The following LRRC37A2 variants were observed in gnomAD, a reference collection of about 807,000 sequenced individuals.
LRRC37A2 encodes leucine-rich repeat-containing protein 37A2.
In LRRC37A2, 9 loss-of-function variants were observed where a neutral mutation model predicts 68.8. The ratio of observed to expected loss-of-function variants is 0.13; its 90% CI spans 0.08 to 0.23. The LOEUF (loss-of-function observed/expected upper bound fraction) is 0.23. LRRC37A2 is among the 10% of genes least tolerant of loss of function. The pLI is 1.00. For missense variants in LRRC37A2, 168 were observed against 950.4 expected (o/e 0.18, Z 10.82); for synonymous variants, 63 against 367.6 (o/e 0.17, Z 9.48).
the LRRC37A2 span, among the ~76,000 whole-genome samples, chr17:46,780,390 C>T: frequency 0.019 from 2,882 of 152,336 alleles, 43 homozygotes; most frequent in Middle Eastern, 0.051. Flanking sequence ...CTCTCCCCTA[C>T]ATACAGAACA....
At chr17:46,797,353 G>A in the LRRC37A2 span, among the ~76,000 whole-genome samples, 1 of 152,198 alleles carries the variant, frequency 6.6e-6, no homozygotes, top group African/African-American at 2.4e-5. Context: ...GAAGACGGCA[G>A]CTCCAGGCTG....
At chr17:46,728,892 A>G in the LRRC37A2 span, 9 of 1,608,968 alleles carry the variant, frequency 5.6e-6, no homozygotes, top group East Asian at 2.0e-4. Flanking sequence ...CAAATCTTGT[A>G]TTACAGGCTC....
chr17:46,869,448 G>C, the LRRC37A2 span, among the ~76,000 whole-genome samples: 1 of 152,160 alleles, frequency 6.6e-6, no homozygotes, highest in South Asian at 2.1e-4. Context: ...TCTGGGCACT[G>C]CAGAGTGCTG....
At chr17:46,518,198 A>G (rs1433305653) in intron 3 of LRRC37A2, among the ~76,000 whole-genome samples, 2 of 150,186 alleles carry the variant, frequency 1.3e-5, no homozygotes, top group Non-Finnish European at 2.9e-5. Flanking sequence ...AAAGGGTAAC[A>G]TCTTGCAACT....
the LRRC37A2 span, among the ~76,000 whole-genome samples, chr17:46,861,929 T>C: frequency 6.6e-6 from 1 of 152,166 alleles, no homozygotes; most frequent in Non-Finnish European, 1.5e-5. Flanking sequence ...TTTGGGAGGC[T>C]GAGGCAGGTG....
At chr17:46,748,811 C>T in the LRRC37A2 span, among the ~76,000 whole-genome samples, 1 of 152,132 alleles carries the variant, frequency 6.6e-6, no homozygotes, top group African/African-American at 2.4e-5. Flanking sequence ...ACCTGGTAAA[C>T]TAAGCAAAGG....
At chr17:46,980,548 C>T in the LRRC37A2 span, among the ~76,000 whole-genome samples, 2 of 151,502 alleles carry the variant, frequency 1.3e-5, no homozygotes, top group Non-Finnish European at 2.9e-5. Context: ...GTAGGCCGGG[C>T]GCGGTGGCTC....
At chr17:46,490,552 G>A in the LRRC37A2 span, among the ~76,000 whole-genome samples, 3 of 150,508 alleles carry the variant, frequency 2.0e-5, no homozygotes, top group South Asian at 2.1e-4. Flanking sequence ...GCGAAACCTC[G>A]TCTCTACTAA....
the LRRC37A2 span, among the ~76,000 whole-genome samples, chr17:46,709,455 A>G: frequency 6.6e-6 from 1 of 151,864 alleles, no homozygotes; most frequent in Non-Finnish European, 1.5e-5. Flanking sequence ...GGCTTGGAGT[A>G]TATAACTGGA....
chr17:46,846,925 T>G, the LRRC37A2 span, among the ~76,000 whole-genome samples: 1 of 152,060 alleles, frequency 6.6e-6, no homozygotes, highest in African/African-American at 2.4e-5. Context: ...TGAGTGAAGG[T>G]CACAGAGGAC....
chr17:46,783,497 G>A, the LRRC37A2 span, among the ~76,000 whole-genome samples: 1 of 152,236 alleles, frequency 6.6e-6, no homozygotes, highest in Non-Finnish European at 1.5e-5. Context: ...CAGCCCAGGA[G>A]GCTGCTGTCA....
the LRRC37A2 span, among the ~76,000 whole-genome samples, chr17:47,048,585 C>T: frequency 9.6e-6 from 1 of 104,350 alleles, no homozygotes; most frequent in Admixed American, 1.1e-4. Context: ...GGACACAGTG[C>T]TTTTTTCCAT....
the LRRC37A2 span, chr17:47,021,879 T>C: frequency 2.6e-6 from 4 of 1,524,678 alleles, no homozygotes; most frequent in African/African-American, 1.4e-5. Context: ...ATTTCTTACA[T>C]TGATGGAAAT....
the LRRC37A2 span, among the ~76,000 whole-genome samples, chr17:46,781,204 C>T: frequency 2.7e-5 from 4 of 145,868 alleles, no homozygotes; most frequent in Non-Finnish European, 6.0e-5. Context: ...CCAGCTTGGG[C>T]GACAGAGCAA....
the LRRC37A2 span, among the ~76,000 whole-genome samples, chr17:46,888,545 C>CATT: frequency 2.0e-5 from 3 of 152,136 alleles, no homozygotes; most frequent in African/African-American, 2.4e-5. Flanking sequence ...ACAGTTTACA[C>CATT]TAATCCAATC....
At chr17:46,993,978 A>AC in the LRRC37A2 span, among the ~76,000 whole-genome samples, 1 of 152,148 alleles carries the variant, frequency 6.6e-6, no homozygotes, top group Non-Finnish European at 1.5e-5. Flanking sequence ...ACTTCAAAAG[A>AC]CAGACATTCC....
At chr17:46,930,827 G>A in the LRRC37A2 span, 1 of 392,722 alleles carries the variant, frequency 2.5e-6, no homozygotes, top group Non-Finnish European at 4.6e-6. Flanking sequence ...TTTTCTAAAG[G>A]TAGGAAATTT....
the LRRC37A2 span, among the ~76,000 whole-genome samples, chr17:46,920,588 G>A: frequency 1.3e-5 from 2 of 152,188 alleles, no homozygotes; most frequent in Non-Finnish European, 2.9e-5. Context: ...CTTGGAGGAT[G>A]GAAACGGGAT....
At chr17:46,924,011 A>T in the LRRC37A2 span, 6 of 396,484 alleles carry the variant, frequency 1.5e-5, no homozygotes, top group Admixed American at 2.6e-4. Context: ...CTGTTTTAAC[A>T]ATTTTTAAGT....
Sources: gnomAD v4.1 joint callset for allele counts (sites outside exome capture counted in the v4.1 genomes callset) on GRCh38, gnomAD v4.1.1 for gene constraint, MANE v1.5 for transcripts, NCBI Gene and HGNC (gene_info 2026-07-23, HGNC 2026-07-21) for gene names.